CIMIP5: variants seen among roughly 807,000 people sequenced by gnomAD.
CIMIP5 encodes ciliary microtubule inner protein 5, also known as uncharacterized protein C2orf50.
the CIMIP5 span, among the ~76,000 whole-genome samples, chr2:11,139,410 T>C: frequency 2.0e-5 from 3 of 152,188 alleles, no homozygotes; most frequent in Non-Finnish European, 4.4e-5. Flanking sequence ...GAGAAGGCTG[T>C]TTTTATTATG....
the CIMIP5 span, among the ~76,000 whole-genome samples, chr2:11,148,555 T>C: frequency 1.3e-5 from 2 of 151,996 alleles, no homozygotes; most frequent in African/African-American, 4.8e-5. Flanking sequence ...CAGCCTAAAT[T>C]TGGGACAATA....
At chr2:11,149,370 T>C in the CIMIP5 span, among the ~76,000 whole-genome samples, 1 of 151,792 alleles carries the variant, frequency 6.6e-6, no homozygotes, top group African/African-American at 2.4e-5. Context: ...CAAACCCAAA[T>C]TGAGAAATAT....
chr2:11,150,897 C>A, the CIMIP5 span, among the ~76,000 whole-genome samples: 1 of 151,834 alleles, frequency 6.6e-6, no homozygotes, highest in African/African-American at 2.4e-5. Context: ...AAAAACAAAA[C>A]TTTACCCTGA....
the CIMIP5 span, chr2:11,143,885 C>T: frequency 1.6e-5 from 24 of 1,495,368 alleles, no homozygotes; most frequent in Non-Finnish European, 2.1e-5. Flanking sequence ...CCTTTTTCCA[C>T]GCTCTGTGTG....
chr2:11,148,732 CTTTTTTTTTT>C, the CIMIP5 span, among the ~76,000 whole-genome samples: 1 of 35,540 alleles, frequency 2.8e-5, no homozygotes, highest in Non-Finnish European at 8.5e-5. Flanking sequence ...AATGAAAACT[CTTTTTTTTTT>C]TTTTTTTTTT....
the CIMIP5 span, among the ~76,000 whole-genome samples, chr2:11,143,568 CAAAAAAAA>C: frequency 9.6e-6 from 1 of 104,586 alleles, no homozygotes; most frequent in Non-Finnish European, 2.1e-5. Context: ...ACAAATTTAC[CAAAAAAAA>C]AAAAAAAAAT....
the CIMIP5 span, among the ~76,000 whole-genome samples, chr2:11,143,024 T>G: frequency 6.6e-6 from 1 of 152,314 alleles, no homozygotes; most frequent in Admixed American, 6.5e-5. Context: ...ATTTAGTCAT[T>G]CATTCATGCA....
At chr2:11,133,492 A>G in the CIMIP5 span, 1 of 1,608,498 alleles carries the variant, frequency 6.2e-7, no homozygotes, top group Non-Finnish European at 8.5e-7. Context: ...CAGGCTCTGA[A>G]GGCGCAGCGG....
chr2:11,135,156 C>T, the CIMIP5 span, among the ~76,000 whole-genome samples: 1 of 152,306 alleles, frequency 6.6e-6, no homozygotes, highest in Non-Finnish European at 1.5e-5. Flanking sequence ...CTAGGCCCTA[C>T]CTTCAACACT....
the CIMIP5 span, among the ~76,000 whole-genome samples, chr2:11,139,091 T>A: frequency 1.3e-5 from 2 of 151,986 alleles, no homozygotes; most frequent in African/African-American, 4.8e-5. Context: ...CTAATTTTTG[T>A]ATTTTTGGTG....
At chr2:11,143,845 C>A in the CIMIP5 span, 1 of 1,281,302 alleles carries the variant, frequency 7.8e-7, no homozygotes, top group Non-Finnish European at 1.0e-6. Context: ...CAGCTGCTCT[C>A]TGCTCTGTTT....
the CIMIP5 span, among the ~76,000 whole-genome samples, chr2:11,148,757 TGAA>T: frequency 6.9e-6 from 1 of 143,972 alleles, no homozygotes; most frequent in Non-Finnish European, 1.5e-5. Context: ...TTTTTTGAGA[TGAA>T]GTCTCGCTCT....
At chr2:11,140,445 GT>G in the CIMIP5 span, 1 of 1,202,104 alleles carries the variant, frequency 8.3e-7, no homozygotes, top group Non-Finnish European at 1.2e-6. Context: ...ACTTGACACA[GT>G]GAAAGTCATT....
At chr2:11,134,150 G>C in the CIMIP5 span, among the ~76,000 whole-genome samples, 1 of 152,130 alleles carries the variant, frequency 6.6e-6, no homozygotes, top group Non-Finnish European at 1.5e-5. Context: ...GGGCAGAGCC[G>C]GCTGAAGGCC....
the CIMIP5 span, among the ~76,000 whole-genome samples, chr2:11,151,497 A>G: frequency 6.6e-6 from 1 of 152,208 alleles, no homozygotes; most frequent in East Asian, 1.9e-4. Context: ...CGCTGCCTAG[A>G]CAGACCCCAT....
At chr2:11,139,430 A>G in the CIMIP5 span, among the ~76,000 whole-genome samples, 1 of 152,152 alleles carries the variant, frequency 6.6e-6, no homozygotes, top group African/African-American at 2.4e-5. Flanking sequence ...GTTTTGTAGA[A>G]TTGTTTGACT....
At chr2:11,138,259 G>A in the CIMIP5 span, among the ~76,000 whole-genome samples, 1 of 152,214 alleles carries the variant, frequency 6.6e-6, no homozygotes, top group African/African-American at 2.4e-5. Flanking sequence ...GTACATAGAA[G>A]CCTAAATAAA....
the CIMIP5 span, among the ~76,000 whole-genome samples, chr2:11,136,117 A>G: frequency 1.3e-5 from 2 of 152,184 alleles, no homozygotes; most frequent in Non-Finnish European, 2.9e-5. Flanking sequence ...TTTGCTCTTC[A>G]GAAGTTTTTG....
the CIMIP5 span, among the ~76,000 whole-genome samples, chr2:11,138,942 G>C: frequency 2.0e-5 from 3 of 151,578 alleles, no homozygotes; most frequent in Non-Finnish European, 4.4e-5. Flanking sequence ...TTTTGAGACA[G>C]AGTCTCACTC....
Sources: allele counts gnomAD v4.1 joint callset (sites outside exome capture counted in the v4.1 genomes callset), GRCh38; gene constraint gnomAD v4.1.1; transcripts MANE v1.5; gene names NCBI Gene and HGNC (gene_info 2026-07-23, HGNC 2026-07-21).